Variants in ARHGAP18 observed in about 807,000 individuals in gnomAD.
ARHGAP18 encodes rho GTPase-activating protein 18.
Under a neutral mutation model 86.2 loss-of-function variants are expected in ARHGAP18, and 67 were observed. The ratio of observed to expected loss-of-function variants is 0.78; its 90% CI spans 0.64 to 0.95. ARHGAP18 has a LOEUF of 0.95. ARHGAP18 is among the 40% of genes least tolerant of loss of function. ARHGAP18 has a pLI of 0.00. For missense variants in ARHGAP18, 691 were observed against 780.4 expected, an observed-to-expected ratio of 0.89 and a Z score of 1.37; for synonymous variants, 283 against 280.4, an observed-to-expected ratio of 1.01 and a Z score of -0.09.
chr6:129,675,378 C>T (rs552234280), intron 1 of ARHGAP18, among the ~76,000 whole-genome samples: 121 of 134,298 alleles, frequency 9.0e-4, no homozygotes, highest in Non-Finnish European at 1.6e-3. Context: ...AGCGAGACTC[C>T]ATCTCAAAAA....
intron 12 of ARHGAP18, among the ~76,000 whole-genome samples, chr6:129,594,080 G>A (rs1788569261): frequency 6.6e-6 from 1 of 152,084 alleles, no homozygotes; most frequent in Admixed American, 6.5e-5. Context: ...CAAGTAGCTG[G>A]GACTACAGGT....
At chr6:129,611,392 G>A in intron 8 of ARHGAP18, 141 bp downstream of exon 8, 1 of 666,182 alleles carries the variant, frequency 1.5e-6, no homozygotes, top group East Asian at 3.0e-5. Flanking sequence ...AAACTAAACT[G>A]AATGGTAAAA....
chr6:129,685,032 C>T (rs1030275812), intron 1 of ARHGAP18, among the ~76,000 whole-genome samples: 9 of 152,146 alleles, frequency 5.9e-5, no homozygotes, highest in Admixed American at 3.3e-4. Context: ...CAGACTCCGG[C>T]GGTGGACACT....
chr6:129,581,738 A>T (rs1444734552), intron 13 of ARHGAP18, among the ~76,000 whole-genome samples: 1 of 152,178 alleles, frequency 6.6e-6, no homozygotes, highest in Non-Finnish European at 1.5e-5. Context: ...CATTGGCTTC[A>T]GTTGACGAGG....
intron 1 of ARHGAP18, among the ~76,000 whole-genome samples, chr6:129,696,667 G>A (rs565891480): frequency 1.3e-4 from 20 of 152,298 alleles, no homozygotes; most frequent in African/African-American, 2.2e-4. Context: ...ATTTATGTTC[G>A]TGATGAACGA....
intron 13 of ARHGAP18, among the ~76,000 whole-genome samples, chr6:129,581,805 A>G (rs937302027): frequency 6.6e-6 from 1 of 152,204 alleles, no homozygotes; most frequent in African/African-American, 2.4e-5. Flanking sequence ...GCACAGGTGG[A>G]ATACAAATGG....
chr6:129,681,371 C>A (rs1234766858), intron 1 of ARHGAP18, among the ~76,000 whole-genome samples: 1 of 152,180 alleles, frequency 6.6e-6, no homozygotes, highest in Non-Finnish European at 1.5e-5. Context: ...CCACCGCGCC[C>A]AGCTAGAAGT....
chr6:129,703,825 T>G (rs1774757907), intron 1 of ARHGAP18, among the ~76,000 whole-genome samples: 1 of 152,222 alleles, frequency 6.6e-6, no homozygotes, highest in South Asian at 2.1e-4. Flanking sequence ...ATTATCCCCA[T>G]GGACAGGTTT....
intron 1 of ARHGAP18, among the ~76,000 whole-genome samples, chr6:129,673,682 C>A (rs1393343251): frequency 6.6e-6 from 1 of 152,112 alleles, no homozygotes; most frequent in Non-Finnish European, 1.5e-5. Context: ...CCATTTGCTT[C>A]TTAAATTAAT....
intron 12 of ARHGAP18, among the ~76,000 whole-genome samples, chr6:129,597,292 C>T (rs1378554112): frequency 1.3e-5 from 2 of 151,998 alleles, no homozygotes; most frequent in East Asian, 1.9e-4. Context: ...TGTGCTACCA[C>T]GTCCAGCCAA....
chr6:129,605,318 A>C (rs1788829057), intron 10 of ARHGAP18, among the ~76,000 whole-genome samples: 1 of 152,154 alleles, frequency 6.6e-6, no homozygotes, highest in Admixed American at 6.6e-5. Flanking sequence ...TGGTGATATA[A>C]ATCAGAAACT....
chr6:129,638,659 A>G (rs748856674), intron 2 of ARHGAP18, 30 bp from the exon 3 acceptor site: 1 of 1,577,280 alleles, frequency 6.3e-7, no homozygotes, highest in East Asian at 2.2e-5. Flanking sequence ...TGGTACTTAA[A>G]TCACAAAATA....
At chr6:129,693,232 G>A (rs1180578424) in intron 1 of ARHGAP18, among the ~76,000 whole-genome samples, 1 of 152,180 alleles carries the variant, frequency 6.6e-6, no homozygotes, top group Non-Finnish European at 1.5e-5. Context: ...GGAAGACCTG[G>A]AGATAAGGAG....
intron 6 of ARHGAP18, among the ~76,000 whole-genome samples, chr6:129,618,174 A>G (rs533633966): frequency 6.6e-6 from 1 of 152,212 alleles, no homozygotes; most frequent in South Asian, 2.1e-4. Flanking sequence ...TTGTTTTGTC[A>G]CAATGGTGGT....
chr6:129,576,912 G>C lies in ARHGAP18; in HGVS notation c.*1601C>G, dbSNP rs1219851253. 6.6e-6 allele frequency: 1 copy of C among 151,282 alleles called. No homozygotes were observed. The highest frequency in any genetic ancestry group is 1.5e-5 in the Non-Finnish European group (1 of 67,822). The allele number at this position is 151,282 out of a possible 1,614,324, so 9.4% of individuals were successfully genotyped here. On this transcript the variant is annotated 3_prime_UTR_variant, in exon 15 of 15. Coordinates refer to ENST00000368149, the MANE Select transcript of ARHGAP18 (RefSeq NM_033515.3). ...CCTGAAGAATAAAAATTTGTAAAAG[G>C]AAAAAAACTAAAGACGAAAACATAT...
chr6:129,605,165 TA>T (rs1584038807), intron 10 of ARHGAP18, among the ~76,000 whole-genome samples: 1 of 152,160 alleles, frequency 6.6e-6, no homozygotes, highest in Admixed American at 6.5e-5. Flanking sequence ...AGTTTATAAT[TA>T]AACCTTTTAC....
chr6:129,589,942 G>A (rs1220090816), intron 12 of ARHGAP18, among the ~76,000 whole-genome samples: 1 of 152,144 alleles, frequency 6.6e-6, no homozygotes, highest in Non-Finnish European at 1.5e-5. Flanking sequence ...GTAAGTCCAA[G>A]GGTCCAAACA....
rs189614136 is a variant in ARHGAP18, at chr6:129,679,726, T to C, written c.113+30298A>G. On this transcript the variant is annotated intron_variant, in intron 1 of 14. Coordinates refer to ENST00000368149, the MANE Select transcript of ARHGAP18 (RefSeq NM_033515.3). ...GTCCTCCTGAACAAGTTGCTTTCCA[T>C]TTCGTTTTTATTTCTCTTCCCTCCT... is the stretch of plus-strand genomic sequence containing the variant. Among the ~76,000 whole-genome samples the C allele has an allele frequency of 3.9e-5, 6 of 152,350 alleles. No homozygotes were observed. The East Asian group carries it at 1.2e-3, about 29-fold the overall frequency.
chr6:129,687,546 A>C (rs1774451498), intron 1 of ARHGAP18, among the ~76,000 whole-genome samples: 1 of 152,144 alleles, frequency 6.6e-6, no homozygotes, highest in Admixed American at 6.5e-5. Context: ...CTCTTCCCAG[A>C]ACAAGTGAAG....
Sources: allele counts gnomAD v4.1 joint callset (sites outside exome capture counted in the v4.1 genomes callset), GRCh38; gene constraint gnomAD v4.1.1; transcripts MANE v1.5; gene names NCBI Gene and HGNC (gene_info 2026-07-23, HGNC 2026-07-21).